The following PRKCA variants were observed in gnomAD, a reference collection of about 807,000 sequenced individuals.
PRKCA encodes the protein protein kinase C alpha type.
PRKCA carries 27 observed loss-of-function variants against 87.0 expected under a neutral mutation model. That is an observed-to-expected ratio of 0.31 (90% CI 0.23 to 0.43). PRKCA has a LOEUF of 0.43. Ranked by LOEUF, PRKCA falls within the 20% of genes least tolerant of loss-of-function variation. The pLI, the probability that PRKCA is intolerant of heterozygous loss-of-function variation, is 1.00. For missense variants in PRKCA, 518 were observed against 852.3 expected (o/e 0.61, Z 4.88); for synonymous variants, 329 against 311.1 (o/e 1.06, Z -0.61).
chr17:66,335,621 G>T (rs2143312052), intron 2 of PRKCA, among the ~76,000 whole-genome samples: 1 of 152,050 alleles, frequency 6.6e-6, no homozygotes, highest in East Asian at 1.9e-4. Context: ...CTTAAAAATG[G>T]TTAAAATATT....
At chr17:66,757,238 T>C (rs77411313) in intron 13 of PRKCA, among the ~76,000 whole-genome samples, 1 of 120,924 alleles carries the variant, frequency 8.3e-6, no homozygotes, top group Non-Finnish European at 1.8e-5. Context: ...AAAAAAAAAA[T>C]GGAACAGACT....
chr17:66,461,139 G>A (rs1284963565), intron 2 of PRKCA, among the ~76,000 whole-genome samples: 4 of 149,458 alleles, frequency 2.7e-5, no homozygotes, highest in Non-Finnish European at 4.4e-5. Context: ...CCAGGAATTC[G>A]AGGCTGCGGT....
At chr17:66,671,125 G>T (rs1441313650) in intron 5 of PRKCA, among the ~76,000 whole-genome samples, 1 of 144,788 alleles carries the variant, frequency 6.9e-6, no homozygotes, top group Non-Finnish European at 1.5e-5. Context: ...GTAGGAGAAT[G>T]GCCTGAACCC....
At chr17:66,678,046 C>T (rs1463685498) in intron 5 of PRKCA, among the ~76,000 whole-genome samples, 1 of 152,174 alleles carries the variant, frequency 6.6e-6, no homozygotes. Context: ...TGTAAATGTG[C>T]CCTTAATTTG....
At chr17:66,638,772 T>C (rs1045034087) in intron 3 of PRKCA, among the ~76,000 whole-genome samples, 8 of 151,674 alleles carry the variant, frequency 5.3e-5, no homozygotes, top group Non-Finnish European at 1.2e-4. Flanking sequence ...GGCATGAACC[T>C]GGGAGGCAGA....
In PRKCA at chr17:66,438,124, G is replaced by A. The variant is rs556420747; in HGVS notation, c.206-58077G>A. On this transcript the variant is annotated intron_variant, in intron 2 of 16. Coordinates refer to ENST00000413366, the MANE Select transcript of PRKCA (RefSeq NM_002737.3). Reference sequence around the variant, plus strand: ...GCAGCAGAAGAGCTGAGGGGTCTCTGTTCTGAACGGGTCCCCCTTCTCCCT... The same window carrying A: ...GCAGCAGAAGAGCTGAGGGGTCTCTATTCTGAACGGGTCCCCCTTCTCCCT... 4.3e-4 allele frequency among the ~76,000 whole-genome samples: 65 copies of A among 152,252 alleles called. 1 individual carries two copies. The highest frequency in any genetic ancestry group is 1.3e-3 in the African/African-American group (56 of 41,538).
chr17:66,374,052 C>G (rs545246658), intron 2 of PRKCA, among the ~76,000 whole-genome samples: 97 of 152,228 alleles, frequency 6.4e-4, no homozygotes, highest in African/African-American at 2.3e-3. Flanking sequence ...TTGGGGGCGG[C>G]AGTGCTCCCC....
At chr17:66,396,644 T>TTA (rs1446059822) in intron 2 of PRKCA, among the ~76,000 whole-genome samples, 2 of 151,164 alleles carry the variant, frequency 1.3e-5, no homozygotes, top group East Asian at 3.9e-4. Context: ...TTTTTTTTTT[T>TTA]TCGTGACAGA....
chr17:66,351,197 G>A (rs543451892), intron 2 of PRKCA, among the ~76,000 whole-genome samples: 5 of 152,286 alleles, frequency 3.3e-5, no homozygotes, highest in African/African-American at 9.6e-5. Context: ...GAGTACAGCC[G>A]AATTTCCTGG....
chr17:66,314,273 C>T (rs1047209388), intron 2 of PRKCA, among the ~76,000 whole-genome samples: 2 of 152,176 alleles, frequency 1.3e-5, no homozygotes, highest in Non-Finnish European at 2.9e-5. Flanking sequence ...AAAATTTCCA[C>T]GGCAGACCCT....
chr17:66,375,361 T>C (rs575028042), intron 2 of PRKCA, among the ~76,000 whole-genome samples: 58 of 152,278 alleles, frequency 3.8e-4, no homozygotes, highest in Admixed American at 1.4e-3. Flanking sequence ...ACAGGCAGCT[T>C]TTGCATTGGA....
intron 14 of PRKCA, chr17:66,777,726 C>T (rs1598935526): frequency 8.1e-6 from 8 of 985,374 alleles, no homozygotes; most frequent in Non-Finnish European, 9.6e-6. Flanking sequence ...TTAAGAGTCA[C>T]ATTTGCATAT....
At chr17:66,634,029 CAT>C (rs1971090436) in intron 3 of PRKCA, among the ~76,000 whole-genome samples, 2 of 151,338 alleles carry the variant, frequency 1.3e-5, no homozygotes. Flanking sequence ...TTTATTTTAA[CAT>C]ATTGCAAATG....
chr17:66,492,524 A>G (rs1271853797), intron 2 of PRKCA, among the ~76,000 whole-genome samples: 1 of 152,204 alleles, frequency 6.6e-6, no homozygotes, highest in Non-Finnish European at 1.5e-5. Flanking sequence ...AAAGAGATGA[A>G]AGGCCCAAAT....
At chr17:66,700,501 G>A (rs564327550) in intron 8 of PRKCA, among the ~76,000 whole-genome samples, 4 of 152,122 alleles carry the variant, frequency 2.6e-5, no homozygotes, top group Non-Finnish European at 5.9e-5. Context: ...AAAGGAAGAA[G>A]TAAAATAGTC....
At chr17:66,363,657 C>G (rs1037957221) in intron 2 of PRKCA, among the ~76,000 whole-genome samples, 1 of 152,158 alleles carries the variant, frequency 6.6e-6, no homozygotes, top group Non-Finnish European at 1.5e-5. Context: ...GTGCTAGCCA[C>G]GGGGTGGATA....
chr17:66,567,543 G>A (rs1968939123), intron 3 of PRKCA, among the ~76,000 whole-genome samples: 2 of 152,204 alleles, frequency 1.3e-5, no homozygotes, highest in Admixed American at 6.5e-5. Context: ...TTCCCAGTGG[G>A]AAGAAAAATG....
chr17:66,313,037 C>T (rs1253859069), intron 2 of PRKCA, among the ~76,000 whole-genome samples: 1 of 152,166 alleles, frequency 6.6e-6, no homozygotes, highest in African/African-American at 2.4e-5. Flanking sequence ...CCGCGCCCCA[C>T]CCTTCCTATC....
chr17:66,604,246 A>G lies in PRKCA; in HGVS notation c.289-37109A>G, dbSNP rs988898726. Among the ~76,000 whole-genome samples the G allele has an allele frequency of 3.4e-5, 5 of 148,324 alleles. No homozygotes were observed. In the South Asian group the frequency reaches 6.3e-4, roughly 19 times the overall value. On this transcript the variant is annotated intron_variant, in intron 3 of 16. Coordinates refer to ENST00000413366, the MANE Select transcript of PRKCA (RefSeq NM_002737.3). ...TGGGTAAGCTTTGGTGACATCTGCA[A>G]GAAAAAAAAAAGTGGCCTGGGAAAC...
Sources: allele counts gnomAD v4.1 joint callset (sites outside exome capture counted in the v4.1 genomes callset), GRCh38; gene constraint gnomAD v4.1.1; transcripts MANE v1.5; gene names NCBI Gene and HGNC (gene_info 2026-07-23, HGNC 2026-07-21).